NAV3: variants seen among roughly 807,000 people sequenced by gnomAD.
NAV3 encodes the protein pore membrane and/or filament interacting like protein 1.
NAV3 carries 87 observed loss-of-function variants against 244.7 expected under a neutral mutation model. That is an observed-to-expected ratio of 0.36 (90% CI 0.30 to 0.42). The LOEUF (loss-of-function observed/expected upper bound fraction) is 0.42, where lower values mean the gene tolerates loss of function less well. NAV3 is among the 20% of genes least tolerant of loss of function. The pLI is 1.00. For synonymous variants in NAV3, 1,126 were observed against 1,042.2 expected, an observed-to-expected ratio of 1.08 and a Z score of -1.55; for missense variants, 2,663 against 2,893.3, an observed-to-expected ratio of 0.92 and a Z score of 1.83.
At chr12:78,136,539 C>T (rs1410897639) in intron 18 of NAV3, among the ~76,000 whole-genome samples, 1 of 152,158 alleles carries the variant, frequency 6.6e-6, no homozygotes, top group Non-Finnish European at 1.5e-5. Context: ...ATGATATGCT[C>T]ATCTTAAACA....
intron 2 of NAV3, among the ~76,000 whole-genome samples, chr12:77,803,655 G>A (rs1871828099): frequency 6.6e-6 from 1 of 152,150 alleles, no homozygotes; most frequent in Non-Finnish European, 1.5e-5. Context: ...TAATGGGATT[G>A]CTGGGTCAAA....
At chr12:77,613,574 C>A in intron 2 of NAV3, among the ~76,000 whole-genome samples, 1 of 152,118 alleles carries the variant, frequency 6.6e-6, no homozygotes, top group Non-Finnish European at 1.5e-5. Flanking sequence ...TTACAGAGTA[C>A]AGCGAAGGGA....
intron 2 of NAV3, among the ~76,000 whole-genome samples, chr12:77,591,544 T>C (rs574417457): frequency 6.6e-6 from 1 of 152,180 alleles, no homozygotes. Flanking sequence ...ATTTCTTGAG[T>C]CTATAGAACC....
At chr12:77,936,667 A>G (rs1202771051) in intron 1 of NAV3, among the ~76,000 whole-genome samples, 1 of 152,178 alleles carries the variant, frequency 6.6e-6, no homozygotes, top group African/African-American at 2.4e-5. Flanking sequence ...TGTGATTATT[A>G]TTTTTGTGAT....
chr12:77,817,425 G>A (rs1872566055), intron 2 of NAV3, among the ~76,000 whole-genome samples: 1 of 152,116 alleles, frequency 6.6e-6, no homozygotes, highest in Non-Finnish European at 1.5e-5. Flanking sequence ...AATAGCTGCT[G>A]AGTTTACTTA....
chr12:77,695,848 TAAAG>T (rs938401505), intron 2 of NAV3, among the ~76,000 whole-genome samples: 3 of 152,142 alleles, frequency 2.0e-5, no homozygotes, highest in South Asian at 2.1e-4. Context: ...GTGCCTCAAA[TAAAG>T]AAAGGTGAGA....
At chr12:77,784,560 G>A (rs7301579) in intron 2 of NAV3, among the ~76,000 whole-genome samples, 142,877 of 152,190 alleles carry the variant, frequency 0.94, 67,736 homozygotes, top group East Asian at 1. Context: ...AAAATCTATT[G>A]GGACACTTCA....
At chr12:78,130,937 C>A in intron 18 of NAV3, 1 of 176,548 alleles carries the variant, frequency 5.7e-6, no homozygotes. Context: ...GCCAAGGCAG[C>A]AGCCTCCAAG....
chr12:77,970,590 G>T (rs1892916786), intron 5 of NAV3, among the ~76,000 whole-genome samples: 2 of 152,126 alleles, frequency 1.3e-5, no homozygotes, highest in African/African-American at 2.4e-5. Flanking sequence ...AGTGATGGGG[G>T]ATATTTTTTA....
intron 2 of NAV3, among the ~76,000 whole-genome samples, chr12:77,756,019 T>A (rs1869157443): frequency 1.3e-5 from 2 of 152,304 alleles, no homozygotes; most frequent in South Asian, 4.1e-4. Flanking sequence ...GATCAACTTT[T>A]GAATCCTCAC....
upstream of NAV3, among the ~76,000 whole-genome samples, chr12:77,830,166 T>A (rs1873456388): frequency 6.6e-6 from 1 of 152,224 alleles, no homozygotes; most frequent in African/African-American, 2.4e-5. Flanking sequence ...AAAATAATTC[T>A]ATGGATGGAA....
intron 2 of NAV3, among the ~76,000 whole-genome samples, chr12:77,824,128 T>G (rs1296902414): frequency 2.0e-5 from 3 of 151,958 alleles, no homozygotes; most frequent in Admixed American, 1.3e-4. Context: ...GGCTGGAGTA[T>G]AGTGGCACAA....
intron 1 of NAV3, among the ~76,000 whole-genome samples, chr12:77,852,785 G>A (rs753600028): frequency 1.3e-5 from 2 of 152,168 alleles, no homozygotes. Flanking sequence ...ATTGCTGTCT[G>A]ACATTTACAA....
At chr12:77,782,068 A>G (rs1303922782) in intron 2 of NAV3, among the ~76,000 whole-genome samples, 2 of 152,212 alleles carry the variant, frequency 1.3e-5, no homozygotes, top group African/African-American at 4.8e-5. Flanking sequence ...TCATTTGCCA[A>G]ACTAAAGCAA....
chr12:78,029,873 T>C (rs983645783), intron 9 of NAV3, among the ~76,000 whole-genome samples: 57 of 152,346 alleles, frequency 3.7e-4, no homozygotes, highest in African/African-American at 1.3e-3. Context: ...ATTAGTAGCA[T>C]ATAAATTCAG....
intron 11 of NAV3, among the ~76,000 whole-genome samples, chr12:78,057,739 G>A (rs1176367445): frequency 6.6e-6 from 1 of 152,072 alleles, no homozygotes; most frequent in African/African-American, 2.4e-5. Context: ...TTTAAACATA[G>A]CTTGTTTAAG....
intron 1 of NAV3, among the ~76,000 whole-genome samples, chr12:77,866,355 T>C (rs1426147997): frequency 1.3e-5 from 2 of 152,162 alleles, no homozygotes; most frequent in East Asian, 3.9e-4. Flanking sequence ...ATGCAGTTTT[T>C]AAAAAGAACT....
chr12:77,747,110 A>T (rs1868585991), intron 2 of NAV3, among the ~76,000 whole-genome samples: 1 of 152,134 alleles, frequency 6.6e-6, no homozygotes. Context: ...GTAACAATAG[A>T]TATCTTGAGT....
At chr12:77,906,609 T>G (rs2136991529) in intron 1 of NAV3, among the ~76,000 whole-genome samples, 1 of 152,216 alleles carries the variant, frequency 6.6e-6, no homozygotes, top group African/African-American at 2.4e-5. Context: ...AAACTCCGAC[T>G]GAGCCACACA....
Sources: gnomAD v4.1 joint callset for allele counts (sites outside exome capture counted in the v4.1 genomes callset) on GRCh38, gnomAD v4.1.1 for gene constraint, MANE v1.5 for transcripts, NCBI Gene and HGNC (gene_info 2026-07-23, HGNC 2026-07-21) for gene names.